TRAF3IP3: variants seen among roughly 807,000 people sequenced by gnomAD.
The protein encoded by TRAF3IP3 is TRAF3-interacting JNK-activating modulator.
A neutral mutation model predicts 86.5 loss-of-function variants in TRAF3IP3; 64 were observed. That is an observed-to-expected ratio of 0.74 (90% CI 0.60 to 0.91). TRAF3IP3 has a LOEUF of 0.91. Among genes scored for constraint, TRAF3IP3 ranks in the 40% least tolerant of loss-of-function variants. The pLI is 0.00. For missense variants in TRAF3IP3, 579 were observed against 642.9 expected (o/e 0.90, Z 1.07); for synonymous variants, 220 against 243.9 (o/e 0.90, Z 0.91).
intron 13 of TRAF3IP3, 103 bp from the exon 14 acceptor site, chr1:209,779,212 A>G (rs1217544496): frequency 3.3e-5 from 29 of 871,640 alleles, no homozygotes; most frequent in Non-Finnish European, 4.7e-5. Flanking sequence ...CACACAGCAG[A>G]TGGGAACATA....
chr1:209,770,689 G>GCA (rs2077460675), intron 8 of TRAF3IP3, among the ~76,000 whole-genome samples: 1 of 145,160 alleles, frequency 6.9e-6, no homozygotes, highest in African/African-American at 2.6e-5. Context: ...AGGTGTGTGT[G>GCA]TGCATGTGGA....
intron 9 of TRAF3IP3, among the ~76,000 whole-genome samples, chr1:209,774,540 T>C (rs4140636): frequency 0.12 from 18,272 of 152,230 alleles, 2,324 homozygotes; most frequent in East Asian, 0.31. Context: ...AGAAGTTAAC[T>C]GGCTGTAGGC....
chr1:209,766,855 T>G (rs563387183), intron 8 of TRAF3IP3, among the ~76,000 whole-genome samples: 1 of 152,256 alleles, frequency 6.6e-6, no homozygotes, highest in South Asian at 2.1e-4. Flanking sequence ...CGGAGCAAGA[T>G]TCTGTCTCAA....
intron 2 of TRAF3IP3, 61 bp from the exon 3 acceptor site, chr1:209,759,921 T>C (rs2077215953): frequency 1.3e-6 from 1 of 770,574 alleles, no homozygotes; most frequent in Non-Finnish European, 2.2e-6. Flanking sequence ...TCTAGGGAGA[T>C]AGTCATTTTT....
At chr1:209,770,428 GGTGT>G (rs1178696951) in intron 8 of TRAF3IP3, among the ~76,000 whole-genome samples, 9 of 147,762 alleles carry the variant, frequency 6.1e-5, no homozygotes, top group East Asian at 2.0e-4. Flanking sequence ...TGCATGTGGA[GGTGT>G]GTGTGTGCAG....
At chr1:209,761,071 G>A (rs1448704077) in intron 3 of TRAF3IP3, among the ~76,000 whole-genome samples, 1 of 152,190 alleles carries the variant, frequency 6.6e-6, no homozygotes, top group African/African-American at 2.4e-5. Flanking sequence ...AATATTTACT[G>A]AAAGCTTATT....
At chr1:209,771,401 A>T (rs535319159) in intron 8 of TRAF3IP3, among the ~76,000 whole-genome samples, 1 of 129,188 alleles carries the variant, frequency 7.7e-6, no homozygotes, top group Non-Finnish European at 1.6e-5. Flanking sequence ...GTGCATGTGC[A>T]TGTGAAGGTA....
chr1:209,778,466 T>C (rs2077706483), intron 13 of TRAF3IP3: 1 of 381,914 alleles, frequency 2.6e-6, no homozygotes, highest in African/African-American at 2.1e-5. Flanking sequence ...GCAGTTCTTA[T>C]TTTATATATT....
chr1:209,779,287 T>C (rs1252373604), intron 13 of TRAF3IP3, 28 bp from the exon 14 acceptor site: 2 of 1,607,832 alleles, frequency 1.2e-6, no homozygotes, highest in South Asian at 2.2e-5. Flanking sequence ...TATGCTAGCA[T>C]AGACAAGTTC....
chr1:209,760,114 C>T lies in TRAF3IP3; in HGVS notation c.75C>T (p.Arg25=). Reference sequence around the variant, plus strand: ...AGAGCTATGAGGCCAAGTGTGAGCGCAGGCAAGAGATCCGTGAAAGCCGCC... The same window carrying T: ...AGAGCTATGAGGCCAAGTGTGAGCGTAGGCAAGAGATCCGTGAAAGCCGCC... ...WAESYEAKCE[R]RQEIRESRRC... Residue 25 remains arginine (R), a synonymous_variant, in exon 3 of 17, where the codon CGC becomes CGT. Transcript: ENST00000367025. 6.2e-7 allele frequency: 1 copy of T among 1,614,198 alleles called. No homozygotes were observed. Among genetic ancestry groups the T allele is most frequent in the Non-Finnish European group, 8.5e-7 (1 of 1,180,030 alleles).
chr1:209,781,844 C>G (rs2077787953), intron 16 of TRAF3IP3: 5 of 569,052 alleles, frequency 8.8e-6, no homozygotes, highest in Non-Finnish European at 1.6e-5. Context: ...ATATCTGGTC[C>G]CTGATGGATA....
intron 9 of TRAF3IP3, among the ~76,000 whole-genome samples, chr1:209,775,089 C>T (rs907839886): frequency 2.0e-5 from 3 of 152,156 alleles, no homozygotes; most frequent in Non-Finnish European, 2.9e-5. Context: ...CCTGTTTAGA[C>T]ATCTTGGATT....
At chr1:209,775,183 C>A in intron 9 of TRAF3IP3, 166 bp from the exon 10 acceptor site, 1 of 667,498 alleles carries the variant, frequency 1.5e-6, no homozygotes, top group Non-Finnish European at 2.6e-6. Flanking sequence ...TCTCTCATTG[C>A]CTGAGGGACT....
intron 6 of TRAF3IP3, 114 bp downstream of exon 6, chr1:209,763,206 A>G: frequency 1.4e-6 from 2 of 1,392,272 alleles, no homozygotes; most frequent in Non-Finnish European, 2.0e-6. Context: ...CTGGATGGCA[A>G]GGGGGTACTG....
chr1:209,763,309 C>T lies in TRAF3IP3; in HGVS notation c.577-54C>T. ...CAGCCCAGGCTCTGGTTCTATATCC[C>T]AGGGTTTCAGGGGACTTACAGACAT... On this transcript the variant is annotated intron_variant, in intron 6 of 16. Transcript: ENST00000367025. 4 of 1,595,184 alleles carry T rather than the reference C, an allele frequency of 2.5e-6. No individual in the cohort carries two copies. The South Asian group carries it at 4.4e-5, about 18-fold the overall frequency.
chr1:209,782,297 T>C lies in TRAF3IP3; in HGVS notation c.*149T>C, dbSNP rs2077799222. 1.6e-6 allele frequency: 1 copy of C among 634,950 alleles called. No individual in the cohort carries two copies. The highest frequency in any genetic ancestry group is 1.8e-5 in the African/African-American group (1 of 55,058). The allele number at this position is 634,950 out of a possible 1,614,324, so 39.3% of individuals were successfully genotyped here. A position where few individuals can be genotyped will look rare whatever the true frequency, so the allele number is the denominator to read the frequency against. ...ATTTCTTAACCTACTGTAAATAAAC[T>C]TCACCTGACCAGATTGTTCCTCAGA... On this transcript the variant is annotated 3_prime_UTR_variant, in exon 17 of 17. Transcript: ENST00000367025.
At position 209,778,098 on chromosome 1, in the gene TRAF3IP3, AT is replaced by A; in HGVS notation, c.1190-11del. 6.2e-7 allele frequency: 1 copy of A among 1,613,496 alleles called. No homozygotes were observed. Among genetic ancestry groups the A allele is most frequent in the Non-Finnish European group, 8.5e-7 (1 of 1,179,530 alleles). ...GGGTTCCTTTATTTTGGCTTGCATT[AT>A]TGCATTTTCAGATCAACTAAAAAGG... is the stretch of plus-strand genomic sequence containing the variant. On this transcript the variant is annotated splice_polypyrimidine_tract_variant and intron_variant, in intron 12 of 16. Coordinates refer to ENST00000367025, the MANE Select transcript of TRAF3IP3 (RefSeq NM_025228.4).
rs1553245750 is a variant in TRAF3IP3 at position 209,775,748 on chromosome 1, T to G, written c.1053+12T>G. The G allele has an allele frequency of 6.2e-6, 10 of 1,602,388 alleles. No individual in the cohort carries two copies. The highest frequency in any genetic ancestry group is 8.5e-6 in the Non-Finnish European group (10 of 1,174,120). On this transcript the variant is annotated intron_variant, in intron 11 of 16. Coordinates refer to ENST00000367025, the MANE Select transcript of TRAF3IP3 (RefSeq NM_025228.4). ...AGTCCAAACTGCAGGTACCAGGCACTGGGGGTGGGGAGGGAAGACAGGGTA... is the reference window on the plus strand; with the variant it reads ...AGTCCAAACTGCAGGTACCAGGCACGGGGGGTGGGGAGGGAAGACAGGGTA...
rs2077424161 is a variant in TRAF3IP3, at chr1:209,769,595, A to C, written c.703-3353A>C. ...CCCCCTGGCTCCCATGGTTAGAAGA[A>C]TAAGCCAAACAAGATCAAAACAGGA... On this transcript the variant is annotated intron_variant, in intron 8 of 16. Transcript: ENST00000367025. Among the ~76,000 whole-genome samples the C allele has an allele frequency of 2.0e-5, 3 of 152,378 alleles. No individual in the cohort carries two copies. In the South Asian group the frequency reaches 6.2e-4, roughly 32 times the overall value.
Sources: allele counts gnomAD v4.1 joint callset (sites outside exome capture counted in the v4.1 genomes callset), GRCh38; gene constraint gnomAD v4.1.1; transcripts MANE v1.5; gene names NCBI Gene and HGNC (gene_info 2026-07-23, HGNC 2026-07-21).